The following SDK1 variants were observed in gnomAD, a reference collection of about 807,000 sequenced individuals.
The protein encoded by SDK1 is protein sidekick-1.
SDK1 carries 157 observed loss-of-function variants against 245.5 expected under a neutral mutation model. That is an observed-to-expected ratio of 0.64 (90% confidence interval 0.56 to 0.73). The LOEUF (loss-of-function observed/expected upper bound fraction) is 0.73, where lower values mean the gene tolerates loss of function less well. Ranked by LOEUF, SDK1 falls within the 30% of genes least tolerant of loss-of-function variation. The pLI, the probability that SDK1 is intolerant of heterozygous loss-of-function variation, is 0.00. For missense variants in SDK1, 3,583 were observed against 3,002.3 expected, an observed-to-expected ratio of 1.19 and a Z score of -4.52; for synonymous variants, 1,647 against 1,278.5, an observed-to-expected ratio of 1.29 and a Z score of -6.15.
chr7:3,758,877 C>T (rs1395986050), intron 4 of SDK1, among the ~76,000 whole-genome samples: 1 of 152,162 alleles, frequency 6.6e-6, no homozygotes, highest in African/African-American at 2.4e-5. Context: ...GTCTCTGTTC[C>T]TGTCTGTATC....
At chr7:3,676,613 C>T (rs568364741) in intron 4 of SDK1, among the ~76,000 whole-genome samples, 6 of 152,192 alleles carry the variant, frequency 3.9e-5, no homozygotes, top group Non-Finnish European at 8.8e-5. Context: ...GCGTGAGCCA[C>T]CACGCCTTGC....
chr7:3,668,939 G>C (rs1279918122), intron 4 of SDK1, among the ~76,000 whole-genome samples: 1 of 152,206 alleles, frequency 6.6e-6, no homozygotes, highest in African/African-American at 2.4e-5. Context: ...GTCCCTGTGT[G>C]ACGTCATGGG....
intron 1 of SDK1, among the ~76,000 whole-genome samples, chr7:3,431,300 C>T (rs971606553): frequency 7.3e-5 from 11 of 151,276 alleles, no homozygotes; most frequent in African/African-American, 2.7e-4. Flanking sequence ...TAAAGTGCCA[C>T]CAAAGAGCTG....
intron 1 of SDK1, among the ~76,000 whole-genome samples, chr7:3,360,052 T>C (rs1394336959): frequency 6.6e-6 from 1 of 152,228 alleles, no homozygotes; most frequent in African/African-American, 2.4e-5. Context: ...CTTTGCAAGC[T>C]GCAAAATGTG....
At chr7:3,572,362 C>T (rs1325925469) in intron 1 of SDK1, among the ~76,000 whole-genome samples, 1 of 151,982 alleles carries the variant, frequency 6.6e-6, no homozygotes, top group African/African-American at 2.4e-5. Context: ...CATTTGGGAT[C>T]AGGATCATCC....
chr7:3,698,178 C>G (rs868521111), intron 4 of SDK1, among the ~76,000 whole-genome samples: 25 of 152,208 alleles, frequency 1.6e-4, no homozygotes, highest in South Asian at 2.1e-4. Context: ...ACAATAACCA[C>G]TCTGCTATAG....
intron 4 of SDK1, among the ~76,000 whole-genome samples, chr7:3,780,261 A>G (rs1780691662): frequency 6.6e-6 from 1 of 152,232 alleles, no homozygotes; most frequent in Non-Finnish European, 1.5e-5. Context: ...TGCCACAGGG[A>G]AAGAGAACCA....
chr7:3,631,684 A>C (rs1253338445), intron 2 of SDK1, among the ~76,000 whole-genome samples: 1 of 152,204 alleles, frequency 6.6e-6, no homozygotes, highest in Non-Finnish European at 1.5e-5. Context: ...ATGAATGTTT[A>C]TGGAGAATCT....
rs995189250 is a variant in SDK1, at chr7:3,794,028, A to G, written c.714-27422A>G. Among the ~76,000 whole-genome samples, 4 of 152,318 alleles carry G rather than the reference A, an allele frequency of 2.6e-5. No homozygotes were observed. The East Asian group carries it at 7.7e-4, about 29-fold the overall frequency. On this transcript the variant is annotated intron_variant, in intron 4 of 44. Transcript: ENST00000404826. ...AGTCGGCTGCCCTCAGACTTACCACATGCCAAATATGTTTCATCTTTAAGA... is the reference window on the plus strand; with the variant it reads ...AGTCGGCTGCCCTCAGACTTACCACGTGCCAAATATGTTTCATCTTTAAGA...
intron 1 of SDK1, among the ~76,000 whole-genome samples, chr7:3,384,278 T>A (rs1781557578): frequency 6.6e-6 from 1 of 152,232 alleles, no homozygotes; most frequent in Non-Finnish European, 1.5e-5. Flanking sequence ...TATTAGCAGG[T>A]TCCACAGTAG....
chr7:3,732,250 C>A (rs962868968), intron 4 of SDK1, among the ~76,000 whole-genome samples: 1 of 152,004 alleles, frequency 6.6e-6, no homozygotes, highest in East Asian at 1.9e-4. Context: ...CGTGGGAAAA[C>A]GGCTGATTTT....
At position 3,893,595 on chromosome 7, in the gene SDK1, A is replaced by T. The variant is rs1047469813; in HGVS notation, c.848-57328A>T. Reference sequence around the variant, plus strand: ...TTCTGTAGATGTCAAGCTTTCTGCAATCCTCCCCCGTCTAGCTGTCCTCTT... The same window carrying T: ...TTCTGTAGATGTCAAGCTTTCTGCATTCCTCCCCCGTCTAGCTGTCCTCTT... On this transcript the variant is annotated intron_variant, in intron 5 of 44. Transcript: ENST00000404826. Among the ~76,000 whole-genome samples, 10 of 151,822 alleles carry T rather than the reference A, an allele frequency of 6.6e-5. No homozygotes were observed. In the South Asian group the frequency reaches 1.5e-3, roughly 22 times the overall value.
chr7:4,067,781 G>C (rs1343083060), intron 19 of SDK1, 57 bp from the exon 20 acceptor site: 8 of 1,364,376 alleles, frequency 5.9e-6, no homozygotes, highest in Non-Finnish European at 8.2e-6. Context: ...CCACACATCT[G>C]ATCAAAAGAA....
chr7:3,751,387 G>A (rs1354415873), intron 4 of SDK1, among the ~76,000 whole-genome samples: 1 of 149,656 alleles, frequency 6.7e-6, no homozygotes, highest in Non-Finnish European at 1.5e-5. Context: ...TCTCCAAGAT[G>A]CTGCCTATGG....
intron 1 of SDK1, among the ~76,000 whole-genome samples, chr7:3,337,163 T>G (rs1780222947): frequency 6.6e-6 from 1 of 152,174 alleles, no homozygotes; most frequent in South Asian, 2.1e-4. Flanking sequence ...AACAAGCTAT[T>G]ACAAATTCTT....
At chr7:3,800,889 T>C (rs1187252258) in intron 4 of SDK1, among the ~76,000 whole-genome samples, 1 of 152,212 alleles carries the variant, frequency 6.6e-6, no homozygotes, top group Admixed American at 6.5e-5. Flanking sequence ...AGTTTTTGTC[T>C]TGGCCTAGTG....
intron 1 of SDK1, among the ~76,000 whole-genome samples, chr7:3,541,306 T>A (rs1779047346): frequency 6.6e-6 from 1 of 152,214 alleles, no homozygotes; most frequent in Non-Finnish European, 1.5e-5. Context: ...TTTACTAAAC[T>A]CCTCCTGTGT....
chr7:3,599,255 C>T (rs939489487), intron 1 of SDK1, among the ~76,000 whole-genome samples: 1 of 152,060 alleles, frequency 6.6e-6, no homozygotes, highest in Non-Finnish European at 1.5e-5. Context: ...TGCTGATTTG[C>T]CATCTGTAGA....
chr7:3,958,020 TTC>T, intron 7 of SDK1: 1 of 470,898 alleles, frequency 2.1e-6, no homozygotes, highest in South Asian at 1.5e-5. Context: ...TAGTTTTCAT[TTC>T]TCTTTTTCAT....
Sources: gnomAD v4.1 joint callset for allele counts (sites outside exome capture counted in the v4.1 genomes callset) on GRCh38, gnomAD v4.1.1 for gene constraint, MANE v1.5 for transcripts, NCBI Gene and HGNC (gene_info 2026-07-23, HGNC 2026-07-21) for gene names.